The following NRG1 variants were observed in gnomAD, a reference collection of about 807,000 sequenced individuals.
NRG1 encodes neuregulin 1, also known as pro-neuregulin-1, membrane-bound isoform.
A neutral mutation model predicts 63.8 loss-of-function variants in NRG1; 18 were observed. That is an observed-to-expected ratio of 0.28 (90% CI 0.19 to 0.42). NRG1 has a LOEUF of 0.42. NRG1 is among the 10% of genes least tolerant of loss of function. NRG1 has a pLI of 1.00. For synonymous variants in NRG1, 302 were observed against 301.3 expected (o/e 1.00, Z -0.02); for missense variants, 762 against 814.7 (o/e 0.94, Z 0.79).
chr8:31,942,036 C>G (rs577359453), intron 1 of NRG1, among the ~76,000 whole-genome samples: 1 of 152,112 alleles, frequency 6.6e-6, no homozygotes, highest in Admixed American at 6.6e-5. Context: ...CTAGACAAAA[C>G]AATCCTAAAA....
chr8:32,312,040 C>A (rs1053677300), intron 1 of NRG1, among the ~76,000 whole-genome samples: 4 of 152,100 alleles, frequency 2.6e-5, no homozygotes, highest in Admixed American at 1.3e-4. Context: ...ACGGCAAGAC[C>A]ACAAGGTGGG....
chr8:32,293,881 G>T (rs1380814736), intron 1 of NRG1, among the ~76,000 whole-genome samples: 1 of 151,816 alleles, frequency 6.6e-6, no homozygotes, highest in African/African-American at 2.4e-5. Flanking sequence ...ATCATGCCCA[G>T]CTAATTTTTG....
At chr8:31,845,069 T>C (rs1826555827) in intron 1 of NRG1, among the ~76,000 whole-genome samples, 3 of 151,970 alleles carry the variant, frequency 2.0e-5, no homozygotes, top group Admixed American at 2.0e-4. Flanking sequence ...ATCACGCCAT[T>C]GCACTCCAGC....
chr8:31,907,187 G>A (rs543487629), intron 1 of NRG1, among the ~76,000 whole-genome samples: 3 of 151,086 alleles, frequency 2.0e-5, no homozygotes, highest in East Asian at 1.9e-4. Flanking sequence ...ATCCTCCAAC[G>A]TAAATGACAG....
intron 1 of NRG1, among the ~76,000 whole-genome samples, chr8:32,326,655 C>T (rs182332145): frequency 8.6e-5 from 13 of 151,754 alleles, no homozygotes; most frequent in African/African-American, 3.1e-4. Context: ...GATAAAACAT[C>T]GAGGAAGTAC....
At chr8:32,755,778 T>C (rs1212279541) in intron 8 of NRG1, among the ~76,000 whole-genome samples, 1 of 152,006 alleles carries the variant, frequency 6.6e-6, no homozygotes, top group Non-Finnish European at 1.5e-5. Context: ...AATCTGGCTC[T>C]TTCACCCAGG....
At chr8:32,153,934 G>T (rs750736064) in intron 1 of NRG1, among the ~76,000 whole-genome samples, 1 of 152,144 alleles carries the variant, frequency 6.6e-6, no homozygotes, top group African/African-American at 2.4e-5. Flanking sequence ...TGAGCTTCCC[G>T]ATAAGACAAC....
intron 1 of NRG1, among the ~76,000 whole-genome samples, chr8:32,500,435 T>G (rs2129496503): frequency 6.6e-6 from 1 of 152,326 alleles, no homozygotes; most frequent in South Asian, 2.1e-4. Flanking sequence ...AGTCTTACTT[T>G]TCCAAGGGAG....
At chr8:31,854,670 C>G (rs954539009) in intron 1 of NRG1, among the ~76,000 whole-genome samples, 45 of 152,178 alleles carry the variant, frequency 3.0e-4, no homozygotes, top group African/African-American at 9.4e-4. Context: ...AATGTGTTTG[C>G]TCTTGCTTTT....
At chr8:32,601,999 A>G (rs2094195188) in intron 2 of NRG1, among the ~76,000 whole-genome samples, 1 of 152,116 alleles carries the variant, frequency 6.6e-6, no homozygotes, top group South Asian at 2.1e-4. Context: ...TCTTGTATTT[A>G]TGTCACCAGT....
At chr8:32,298,973 G>T (rs1229434550) in intron 1 of NRG1, among the ~76,000 whole-genome samples, 39 of 136,524 alleles carry the variant, frequency 2.9e-4, no homozygotes, top group African/African-American at 1.1e-3. Flanking sequence ...GTTGCAGTGA[G>T]CCAAGATGGT....
At chr8:32,486,477 C>T (rs1825918651) in intron 1 of NRG1, among the ~76,000 whole-genome samples, 2 of 152,072 alleles carry the variant, frequency 1.3e-5, no homozygotes, top group Non-Finnish European at 2.9e-5. Context: ...AGAATATAGT[C>T]AAAGTTGACA....
chr8:31,988,151 A>AACCTT (rs1245163782), intron 1 of NRG1, among the ~76,000 whole-genome samples: 1 of 152,122 alleles, frequency 6.6e-6, no homozygotes, highest in Non-Finnish European at 1.5e-5. Flanking sequence ...AGGATTGTGA[A>AACCTT]ACCTTTCCTT....
chr8:31,675,816 A>G (rs141592826), intron 1 of NRG1, among the ~76,000 whole-genome samples: 101 of 152,266 alleles, frequency 6.6e-4, no homozygotes, highest in African/African-American at 2.3e-3. Context: ...GTGAAGAATT[A>G]TTATTCCTCT....
chr8:32,280,988 T>G (rs1310055892), intron 1 of NRG1, among the ~76,000 whole-genome samples: 1 of 151,300 alleles, frequency 6.6e-6, no homozygotes, highest in African/African-American at 2.4e-5. Flanking sequence ...CTCGATCTCC[T>G]GACCTCGTGA....
intron 1 of NRG1, among the ~76,000 whole-genome samples, chr8:31,949,767 C>G (rs1418834743): frequency 6.6e-6 from 1 of 152,114 alleles, no homozygotes; most frequent in Non-Finnish European, 1.5e-5. Flanking sequence ...TCTCATGAAG[C>G]CTATAGACTC....
At chr8:31,898,031 A>G (rs1238256347) in intron 1 of NRG1, among the ~76,000 whole-genome samples, 1 of 151,648 alleles carries the variant, frequency 6.6e-6, no homozygotes, top group Non-Finnish European at 1.5e-5. Flanking sequence ...AAAAAAAAAA[A>G]AAAAGAGAGA....
At chr8:31,760,353 T>C (rs1165115264) in intron 1 of NRG1, among the ~76,000 whole-genome samples, 2 of 152,194 alleles carry the variant, frequency 1.3e-5, no homozygotes, top group East Asian at 3.9e-4. Context: ...GAAGATCAGA[T>C]AGTTGTAGAT....
In NRG1 at chr8:32,401,485, C is replaced by G. The variant is rs1813192163; in HGVS notation, c.38-194343C>G. ...AGGGCAAGGATTTTCATGTTCTGTCCACTGCTATGTCCCTAACACTTAAAA... is the reference window on the plus strand; with the variant it reads ...AGGGCAAGGATTTTCATGTTCTGTCGACTGCTATGTCCCTAACACTTAAAA... On this transcript the variant is annotated intron_variant, in intron 1 of 10. Transcript: ENST00000519301. 2.0e-5 allele frequency among the ~76,000 whole-genome samples: 3 copies of G among 152,108 alleles called. No individual in the cohort carries two copies. In the South Asian group the frequency reaches 6.2e-4, roughly 32 times the overall value.
Sources: gnomAD v4.1 joint callset for allele counts (sites outside exome capture counted in the v4.1 genomes callset) on GRCh38, gnomAD v4.1.1 for gene constraint, MANE v1.5 for transcripts, NCBI Gene and HGNC (gene_info 2026-07-23, HGNC 2026-07-21) for gene names.